The following ERC2 variants were observed in gnomAD, a reference collection of about 807,000 sequenced individuals.
The protein encoded by ERC2 is ELKS/RAB6-interacting/CAST family member 2, also known as ERC protein 2.
In ERC2, 42 loss-of-function variants were observed where a neutral mutation model predicts 114.8. That is an observed-to-expected ratio of 0.37 (90% confidence interval 0.29 to 0.47). ERC2 has a LOEUF of 0.47. ERC2 is among the 20% of genes least tolerant of loss of function. The probability of loss-of-function intolerance (pLI) is 0.99; values close to 1 mark genes in which losing one functional copy is unlikely to be tolerated. For synonymous variants in ERC2, 454 were observed against 425.5 expected, an observed-to-expected ratio of 1.07 and a Z score of -0.82; for missense variants, 939 against 1,150.7, an observed-to-expected ratio of 0.82 and a Z score of 2.66.
intron 17 of ERC2, among the ~76,000 whole-genome samples, chr3:55,650,879 C>T (rs573713918): frequency 6.7e-6 from 1 of 150,136 alleles, no homozygotes; most frequent in Non-Finnish European, 1.5e-5. Flanking sequence ...GAGTCTCTGG[C>T]TCTGTCACCT....
intron 15 of ERC2, among the ~76,000 whole-genome samples, chr3:55,723,421 T>C (rs958409139): frequency 3.3e-5 from 5 of 152,112 alleles, no homozygotes; most frequent in South Asian, 4.2e-4. Flanking sequence ...CTCATTTACA[T>C]AGAAAGAATG....
chr3:56,061,439 ACTAGTTTGT>A (rs1246758794), intron 7 of ERC2, among the ~76,000 whole-genome samples: 1 of 152,182 alleles, frequency 6.6e-6, no homozygotes, highest in Non-Finnish European at 1.5e-5. Context: ...ATCTAACCAA[ACTAGTTTGT>A]CAGCTACCAT....
At chr3:55,759,223 A>T (rs2148990505) in intron 14 of ERC2, among the ~76,000 whole-genome samples, 1 of 152,258 alleles carries the variant, frequency 6.6e-6, no homozygotes, top group Non-Finnish European at 1.5e-5. Context: ...ACAATCCCTG[A>T]ATTGGTGTAT....
At position 56,029,885 on chromosome 3, in the gene ERC2, G is replaced by C. The variant is rs181644157; in HGVS notation, c.1642-10854C>G. On this transcript the variant is annotated intron_variant, in intron 7 of 17. Transcript: ENST00000288221. ...TAGTTTCGGTTTATTTTGTTCTTCT[G>C]GGTTATTGAGGTAGGAACTTGGAGT... Among the ~76,000 whole-genome samples, 84 of 151,966 alleles carry C rather than the reference G, an allele frequency of 5.5e-4. No individual in the cohort carries two copies. The East Asian group carries it at 7.5e-3, about 14-fold the overall frequency.
intron 6 of ERC2, among the ~76,000 whole-genome samples, chr3:56,084,879 AAAAG>A (rs2077424554): frequency 6.6e-6 from 1 of 151,734 alleles, no homozygotes. Context: ...AAAAAAAAAA[AAAAG>A]AAAAGTTCAG....
chr3:56,435,625 C>A (rs537291735), intron 1 of ERC2, among the ~76,000 whole-genome samples: 2 of 152,176 alleles, frequency 1.3e-5, no homozygotes, highest in African/African-American at 2.4e-5. Flanking sequence ...CATGTTGTTA[C>A]CTTCCCCTCC....
At chr3:55,775,158 G>T (rs542508857) in intron 14 of ERC2, among the ~76,000 whole-genome samples, 3 of 152,254 alleles carry the variant, frequency 2.0e-5, no homozygotes, top group African/African-American at 7.2e-5. Flanking sequence ...CAGGGGAAAG[G>T]CCTTCTTTGT....
chr3:56,166,743 A>G (rs905819945), intron 4 of ERC2, among the ~76,000 whole-genome samples: 6 of 151,964 alleles, frequency 3.9e-5, no homozygotes, highest in African/African-American at 1.2e-4. Context: ...GTGATGCCCC[A>G]CTTTCATCCC....
At chr3:56,072,182 C>G (rs143066268) in intron 7 of ERC2, 1 of 158,884 alleles carries the variant, frequency 6.3e-6, no homozygotes, top group Non-Finnish European at 1.5e-5. Flanking sequence ...GGCTGGTAGG[C>G]GGGTGTCCCC....
At chr3:56,342,168 A>C (rs905755451) in intron 2 of ERC2, among the ~76,000 whole-genome samples, 1 of 152,236 alleles carries the variant, frequency 6.6e-6, no homozygotes, top group Non-Finnish European at 1.5e-5. Flanking sequence ...AACCCAGCAG[A>C]AATTTTAGCT....
At chr3:56,159,160 A>G (rs116664646) in intron 4 of ERC2, among the ~76,000 whole-genome samples, 2,305 of 152,200 alleles carry the variant, frequency 0.015, 65 homozygotes, top group African/African-American at 0.051. Context: ...AACTTCCACC[A>G]TAATTGTAAG....
intron 17 of ERC2, among the ~76,000 whole-genome samples, chr3:55,572,793 C>T (rs2056787925): frequency 6.6e-6 from 1 of 152,204 alleles, no homozygotes; most frequent in Non-Finnish European, 1.5e-5. Context: ...TAGCTGGTGA[C>T]CTCTAGGGTT....
At chr3:56,412,956 C>T (rs555849270) in intron 2 of ERC2, among the ~76,000 whole-genome samples, 2 of 152,270 alleles carry the variant, frequency 1.3e-5, no homozygotes, top group South Asian at 4.2e-4. Flanking sequence ...GTGACAAATG[C>T]TATTAACTAA....
intron 7 of ERC2, among the ~76,000 whole-genome samples, chr3:56,074,258 T>C (rs2076873911): frequency 6.6e-6 from 1 of 152,162 alleles, no homozygotes; most frequent in Admixed American, 6.6e-5. Context: ...CTCTAAACCA[T>C]AGTCTCTCAT....
At chr3:56,179,141 C>T (rs1279984514) in intron 3 of ERC2, among the ~76,000 whole-genome samples, 6 of 151,922 alleles carry the variant, frequency 3.9e-5, no homozygotes, top group African/African-American at 1.2e-4. Context: ...TCAAAGCCGT[C>T]GTGGTGGCAT....
intron 7 of ERC2, among the ~76,000 whole-genome samples, chr3:56,039,051 A>G (rs1322490296): frequency 2.0e-5 from 3 of 152,158 alleles, no homozygotes; most frequent in African/African-American, 7.2e-5. Flanking sequence ...CATCGGGCAG[A>G]CAGCATCTAT....
chr3:56,407,384 G>A (rs543705740), intron 2 of ERC2, among the ~76,000 whole-genome samples: 1 of 152,278 alleles, frequency 6.6e-6, no homozygotes, highest in South Asian at 2.1e-4. Flanking sequence ...ACATTCTTGA[G>A]AACATGCTCT....
At chr3:55,646,081 C>G (rs954073251) in intron 17 of ERC2, among the ~76,000 whole-genome samples, 1 of 152,158 alleles carries the variant, frequency 6.6e-6, no homozygotes, top group African/African-American at 2.4e-5. Flanking sequence ...CCCCCATCCC[C>G]CTTTTTAATA....
intron 3 of ERC2, among the ~76,000 whole-genome samples, chr3:56,202,648 T>C (rs1359892916): frequency 6.6e-6 from 1 of 152,114 alleles, no homozygotes; most frequent in Non-Finnish European, 1.5e-5. Flanking sequence ...GGAAATCCTG[T>C]CATTTGCAAA....
Sources: gnomAD v4.1 joint callset for allele counts (sites outside exome capture counted in the v4.1 genomes callset) on GRCh38, gnomAD v4.1.1 for gene constraint, MANE v1.5 for transcripts, NCBI Gene and HGNC (gene_info 2026-07-23, HGNC 2026-07-21) for gene names.